Variants in CAPN2 observed in about 807,000 individuals in gnomAD.
The protein encoded by CAPN2 is calpain 2, also known as calpain-2 catalytic subunit.
CAPN2 carries 92 observed loss-of-function variants against 102.3 expected under a neutral mutation model. That is an observed-to-expected ratio of 0.90 (90% CI 0.76 to 1.07). The LOEUF (loss-of-function observed/expected upper bound fraction) is 1.07, where lower values mean the gene tolerates loss of function less well. Among genes scored for constraint, CAPN2 ranks in the 50% least tolerant of loss-of-function variants. The pLI is 0.00. For synonymous variants in CAPN2, 340 were observed against 355.4 expected, an observed-to-expected ratio of 0.96 and a Z score of 0.49; for missense variants, 800 against 909.4, an observed-to-expected ratio of 0.88 and a Z score of 1.55.
Position 223,737,711 on chromosome 1 carries a change from G to GA in CAPN2, c.308-6389_308-6388insA, listed in dbSNP as rs1558066451. On this transcript the variant is annotated intron_variant, in intron 2 of 20. Transcript: ENST00000295006. ...GCCTGACCAAAAGAGACGGGGCGGGGGGTGGGGGGGAGAGAATACAATAAC... is the reference window on the plus strand; with the variant it reads ...GCCTGACCAAAAGAGACGGGGCGGGGAGGTGGGGGGGAGAGAATACAATAAC... Among the ~76,000 whole-genome samples the GA allele has an allele frequency of 6.5e-5, 2 of 30,788 alleles. 1 individual carries two copies. Among genetic ancestry groups the GA allele is most frequent in the Non-Finnish European group, 2.1e-4 (2 of 9,650 alleles). The allele number at this position is 30,788 out of a possible 152,430, so 20.2% of individuals were successfully genotyped here. A position where few individuals can be genotyped will look rare whatever the true frequency, so the allele number is the denominator to read the frequency against.
At chr1:223,766,272 A>C (rs1215078337) in intron 15 of CAPN2, 95 bp from the exon 16 acceptor site, 1 of 909,306 alleles carries the variant, frequency 1.1e-6, no homozygotes, top group Non-Finnish European at 1.8e-6. Flanking sequence ...CTGTATGTGA[A>C]GGGCACAGAT....
chr1:223,752,374 C>A (rs911566759), intron 8 of CAPN2, among the ~76,000 whole-genome samples: 2 of 152,208 alleles, frequency 1.3e-5, no homozygotes, highest in East Asian at 1.9e-4. Flanking sequence ...GGGCCTTTCT[C>A]CCCCAGGTTC....
chr1:223,768,259 C>T (rs1292754267), intron 16 of CAPN2, among the ~76,000 whole-genome samples: 3 of 150,468 alleles, frequency 2.0e-5, no homozygotes, highest in Non-Finnish European at 3.0e-5. Flanking sequence ...ACATGAAGTC[C>T]TTGCCCATGC....
chr1:223,707,690 G>A (rs1336926950), upstream of CAPN2, among the ~76,000 whole-genome samples: 1 of 152,228 alleles, frequency 6.6e-6, no homozygotes, highest in Non-Finnish European at 1.5e-5. Flanking sequence ...AGGCTGGCAA[G>A]GGGAGTGGCC....
rs1489071859 is a variant in CAPN2, at chr1:223,726,569, T to TC, written c.307+8741dup. Among the ~76,000 whole-genome samples, 5 of 152,004 alleles carry TC rather than the reference T, an allele frequency of 3.3e-5. No homozygotes were observed. Among genetic ancestry groups the TC allele is most frequent in the Non-Finnish European group, 7.4e-5 (5 of 67,986 alleles). On this transcript the variant is annotated intron_variant, in intron 2 of 20. Coordinates refer to ENST00000295006, the MANE Select transcript of CAPN2 (RefSeq NM_001748.5). The surrounding 1 kb of genome is among the most constrained non-coding windows in gnomAD (Gnocchi z 4.4). ...TCAAGCCCCAGCACCCTCGCCTCCC[T>TC]CCCATCCTCCCTTTTAGGGCCTCCC...
At chr1:223,770,204 T>C in intron 17 of CAPN2, 1 of 581,386 alleles carries the variant, frequency 1.7e-6, no homozygotes, top group Non-Finnish European at 3.1e-6. Context: ...AAAAATTATA[T>C]AAGACAAGAA....
At chr1:223,746,468 C>G (rs988214505) in intron 4 of CAPN2, among the ~76,000 whole-genome samples, 1 of 109,792 alleles carries the variant, frequency 9.1e-6, no homozygotes, top group South Asian at 2.4e-4. Context: ...TAAGGTTCTA[C>G]GAGAATCTTT....
chr1:223,740,623 C>T (rs939659969), intron 2 of CAPN2, among the ~76,000 whole-genome samples: 4 of 152,294 alleles, frequency 2.6e-5, no homozygotes, highest in Non-Finnish European at 5.9e-5. Flanking sequence ...TTGCTTGGAC[C>T]AGTATAAGCA....
At chr1:223,705,280 G>A (rs1206161764) in intron 1 of CAPN2, among the ~76,000 whole-genome samples, 1 of 152,190 alleles carries the variant, frequency 6.6e-6, no homozygotes, top group Non-Finnish European at 1.5e-5. Flanking sequence ...ACAAGCACTG[G>A]TGATTCTTGC....
intron 5 of CAPN2, among the ~76,000 whole-genome samples, chr1:223,747,474 G>A (rs1328016962): frequency 6.6e-6 from 1 of 152,204 alleles, no homozygotes; most frequent in Non-Finnish European, 1.5e-5. Flanking sequence ...AGGGAGATGG[G>A]GAGGTGCGGA....
intron 17 of CAPN2, 101 bp from the exon 18 acceptor site, chr1:223,770,346 C>G: frequency 1.4e-6 from 1 of 725,864 alleles, no homozygotes; most frequent in Non-Finnish European, 2.4e-6. Context: ...ACTAGAGGCA[C>G]AGAGCTGGAA....
chr1:223,749,712 T>C (rs115919068), intron 6 of CAPN2, among the ~76,000 whole-genome samples: 26 of 152,318 alleles, frequency 1.7e-4, no homozygotes, highest in African/African-American at 6.0e-4. Flanking sequence ...TTGTGATCAC[T>C]GTTGTTATTG....
Position 223,756,226 on chromosome 1 carries a change from C to T in CAPN2, c.1305+577C>T, listed in dbSNP as rs959490819. On this transcript the variant is annotated intron_variant, in intron 10 of 20. Coordinates refer to ENST00000295006, the MANE Select transcript of CAPN2 (RefSeq NM_001748.5). The surrounding 1 kb of genome is among the most constrained non-coding windows in gnomAD (Gnocchi z 4.1). Reference sequence around the variant, plus strand: ...GGCAGCCGCATTGCAGTCTCCTCTCCGCCCTCAGGCTGGGGCTGGGGCACT... The same window carrying T: ...GGCAGCCGCATTGCAGTCTCCTCTCTGCCCTCAGGCTGGGGCTGGGGCACT... 3.3e-5 allele frequency among the ~76,000 whole-genome samples: 5 copies of T among 152,244 alleles called. No homozygotes were observed. Among genetic ancestry groups the T allele is most frequent in the South Asian group, 2.1e-4 (1 of 4,836 alleles).
At chr1:223,758,281 A>G (rs192145871) in intron 11 of CAPN2, 1 of 152,220 alleles carries the variant, frequency 6.6e-6, no homozygotes, top group African/African-American at 2.4e-5. Flanking sequence ...AGCAGATGGG[A>G]TGCCTGGTCC....
In CAPN2 at chr1:223,775,485, A is replaced by G. The variant is rs917662054; in HGVS notation, c.*628A>G. The stretch of plus-strand genomic sequence containing the variant: ...GTAATAGTAAATCGTTCTCCTTACA[A>G]TCAAGTTCTTGACCCTATTCGGCCT... On this transcript the variant is annotated 3_prime_UTR_variant, in exon 21 of 21. Coordinates refer to ENST00000295006, the MANE Select transcript of CAPN2 (RefSeq NM_001748.5). 2 of 152,198 alleles carry G rather than the reference A, an allele frequency of 1.3e-5. No homozygotes were observed. Among genetic ancestry groups the G allele is most frequent in the African/African-American group, 4.8e-5 (2 of 41,442 alleles). 9.4% of individuals were successfully genotyped at this position (152,198 alleles called of 1,614,324 possible).
chr1:223,751,971 GC>G (rs1660912856), intron 7 of CAPN2, 25 bp from the exon 8 acceptor site: 3 of 1,510,504 alleles, frequency 2.0e-6, no homozygotes, highest in African/African-American at 2.8e-5. Context: ...GTACACTAAC[GC>G]CTCTCTCTTT....
intron 2 of CAPN2, among the ~76,000 whole-genome samples, chr1:223,743,653 C>T (rs1660679700): frequency 6.6e-6 from 1 of 152,154 alleles, no homozygotes. Context: ...CAGGTGTACG[C>T]CACCACACCC....
intron 2 of CAPN2, among the ~76,000 whole-genome samples, chr1:223,740,408 G>A (rs894131330): frequency 1.3e-5 from 2 of 152,290 alleles, no homozygotes; most frequent in South Asian, 2.1e-4. Context: ...ATAACCTGAC[G>A]CGTCCACCCT....
chr1:223,762,672 CTTTTCTT>C (rs759398372), intron 14 of CAPN2, among the ~76,000 whole-genome samples: 44 of 152,198 alleles, frequency 2.9e-4, no homozygotes, highest in Admixed American at 1.3e-4. Flanking sequence ...TTTCTGTTCT[CTTTTCTT>C]TTTTCTTTTT....
Sources: gnomAD v4.1 joint callset for allele counts (sites outside exome capture counted in the v4.1 genomes callset) on GRCh38, gnomAD v4.1.1 for gene constraint, Gnocchi (gnomAD v3.1) non-coding constraint, MANE v1.5 for transcripts, NCBI Gene and HGNC (gene_info 2026-07-23, HGNC 2026-07-21) for gene names.